The following NAALADL2 variants were observed in gnomAD, a reference collection of about 807,000 sequenced individuals.
NAALADL2 encodes inactive N-acetylated-alpha-linked acidic dipeptidase-like protein 2.
In NAALADL2, 76 loss-of-function variants were observed where a neutral mutation model predicts 87.2. The ratio of observed to expected loss-of-function variants is 0.87; its 90% confidence interval spans 0.72 to 1.05. The LOEUF (loss-of-function observed/expected upper bound fraction) is 1.05. Ranked by LOEUF, NAALADL2 falls within the 50% of genes least tolerant of loss-of-function variation. The pLI is 0.00. For synonymous variants in NAALADL2, 354 were observed against 331.0 expected, an observed-to-expected ratio of 1.07 and a Z score of -0.75; for missense variants, 1,089 against 945.8, an observed-to-expected ratio of 1.15 and a Z score of -1.99.
At chr3:175,302,723 T>G (rs1190492755) in intron 4 of NAALADL2, among the ~76,000 whole-genome samples, 6 of 152,114 alleles carry the variant, frequency 3.9e-5, no homozygotes, top group Non-Finnish European at 7.4e-5. Flanking sequence ...AGTAGAGAGA[T>G]ATTTTATAAG....
intron 9 of NAALADL2, among the ~76,000 whole-genome samples, chr3:175,480,549 A>G (rs1346365827): frequency 6.6e-6 from 1 of 151,918 alleles, no homozygotes; most frequent in Non-Finnish European, 1.5e-5. Flanking sequence ...ACCCTTTTTC[A>G]AGTAAAGTAA....
intron 5 of NAALADL2, among the ~76,000 whole-genome samples, chr3:175,358,478 G>C (rs2148899632): frequency 6.6e-6 from 1 of 151,534 alleles, no homozygotes; most frequent in South Asian, 2.1e-4. Context: ...AGAATAATCT[G>C]TCACGGGAGT....
intron 5 of NAALADL2, among the ~76,000 whole-genome samples, chr3:175,388,028 G>A (rs894716273): frequency 6.6e-6 from 1 of 151,940 alleles, no homozygotes; most frequent in Non-Finnish European, 1.5e-5. Flanking sequence ...ACCATTCTCG[G>A]TAACTATCAA....
chr3:175,509,452 T>A (rs911940530), intron 9 of NAALADL2, among the ~76,000 whole-genome samples: 1 of 152,226 alleles, frequency 6.6e-6, no homozygotes, highest in Admixed American at 6.5e-5. Flanking sequence ...TATCACCTGC[T>A]CCATGAGATC....
chr3:174,614,581 G>A (rs1447800153), intron 2 of NAALADL2, among the ~76,000 whole-genome samples: 2 of 152,152 alleles, frequency 1.3e-5, no homozygotes, highest in Non-Finnish European at 2.9e-5. Context: ...CGGGGGAGAG[G>A]TGGCACTGAT....
chr3:175,447,742 A>G (rs1336280912), intron 6 of NAALADL2, among the ~76,000 whole-genome samples: 1 of 152,218 alleles, frequency 6.6e-6, no homozygotes, highest in Non-Finnish European at 1.5e-5. Context: ...TATCTGGGGT[A>G]TGAAGTCTTT....
intron 10 of NAALADL2, among the ~76,000 whole-genome samples, chr3:175,603,021 T>G (rs967205524): frequency 6.6e-6 from 1 of 152,196 alleles, no homozygotes; most frequent in Non-Finnish European, 1.5e-5. Context: ...TTACCTTAAA[T>G]GTGTCTTTGT....
chr3:175,635,205 T>C (rs955730235), intron 11 of NAALADL2, among the ~76,000 whole-genome samples: 1 of 152,112 alleles, frequency 6.6e-6, no homozygotes, highest in Non-Finnish European at 1.5e-5. Flanking sequence ...AGACACGCCT[T>C]ATACTATCAG....
intron 3 of NAALADL2, among the ~76,000 whole-genome samples, chr3:174,760,616 G>A (rs1029973539): frequency 6.6e-6 from 1 of 152,192 alleles, no homozygotes; most frequent in Non-Finnish European, 1.5e-5. Flanking sequence ...AGGAAGGCAG[G>A]TCTCTACTGG....
At chr3:175,668,440 C>T (rs909008674) in intron 11 of NAALADL2, among the ~76,000 whole-genome samples, 1 of 151,748 alleles carries the variant, frequency 6.6e-6, no homozygotes, top group Non-Finnish European at 1.5e-5. Flanking sequence ...TTCATTTTTT[C>T]AAGCATGAAA....
At chr3:175,414,242 G>GA (rs1171056853) in intron 5 of NAALADL2, among the ~76,000 whole-genome samples, 2 of 152,100 alleles carry the variant, frequency 1.3e-5, no homozygotes, top group South Asian at 2.1e-4. Flanking sequence ...GTTTCTTTGA[G>GA]AAAAAACGCA....
At chr3:174,649,771 G>A (rs1198407234) in intron 2 of NAALADL2, among the ~76,000 whole-genome samples, 1 of 152,088 alleles carries the variant, frequency 6.6e-6, no homozygotes, top group Non-Finnish European at 1.5e-5. Context: ...TTCTCAAGTG[G>A]CAGAATTAAT....
chr3:175,593,624 C>T (rs1721842676), intron 10 of NAALADL2, among the ~76,000 whole-genome samples: 1 of 152,104 alleles, frequency 6.6e-6, no homozygotes, highest in African/African-American at 2.4e-5. Context: ...CTGTTCCATG[C>T]TTTGCTTTTA....
intron 11 of NAALADL2, among the ~76,000 whole-genome samples, chr3:175,698,629 T>C (rs893341525): frequency 1.3e-5 from 2 of 150,950 alleles, no homozygotes; most frequent in African/African-American, 4.9e-5. Flanking sequence ...ACCTTTTTGA[T>C]ATTATACATT....
At chr3:174,716,833 A>G (rs1731238882) in intron 2 of NAALADL2, among the ~76,000 whole-genome samples, 1 of 152,116 alleles carries the variant, frequency 6.6e-6, no homozygotes. Flanking sequence ...GTATGATTAT[A>G]TTAACATATA....
intron 2 of NAALADL2, among the ~76,000 whole-genome samples, chr3:174,722,794 T>C (rs2108956525): frequency 6.6e-6 from 1 of 152,334 alleles, no homozygotes; most frequent in Middle Eastern, 3.4e-3. Flanking sequence ...AAAATGTAGT[T>C]AAAATTGTTT....
At chr3:175,453,643 A>G (rs1281964338) in intron 6 of NAALADL2, among the ~76,000 whole-genome samples, 4 of 152,094 alleles carry the variant, frequency 2.6e-5, no homozygotes, top group Admixed American at 6.6e-5. Context: ...TTTCATTAGA[A>G]TATGTTGTTT....
intron 11 of NAALADL2, among the ~76,000 whole-genome samples, chr3:175,736,219 G>C (rs1382646319): frequency 6.6e-6 from 1 of 152,184 alleles, no homozygotes; most frequent in East Asian, 1.9e-4. Context: ...GACAGTTTTG[G>C]GGTGGGGTCA....
intron 9 of NAALADL2, among the ~76,000 whole-genome samples, chr3:175,503,643 A>G (rs1296695098): frequency 1.3e-5 from 2 of 152,050 alleles, no homozygotes; most frequent in Non-Finnish European, 2.9e-5. Flanking sequence ...ATGAGATGGT[A>G]TCTCATTGTG....
Sources: allele counts gnomAD v4.1 joint callset (sites outside exome capture counted in the v4.1 genomes callset), GRCh38; gene constraint gnomAD v4.1.1; transcripts MANE v1.5; gene names NCBI Gene and HGNC (gene_info 2026-07-23, HGNC 2026-07-21).